The following WWP2 variants were observed in gnomAD, a reference collection of about 807,000 sequenced individuals.
WWP2 encodes the protein NEDD4-like E3 ubiquitin-protein ligase WWP2.
In WWP2, 57 loss-of-function variants were observed where a neutral mutation model predicts 121.0. The observed-to-expected ratio is 0.47, with a 90% CI of 0.38 to 0.59. The LOEUF (loss-of-function observed/expected upper bound fraction) is 0.59. WWP2 is among the 20% of genes least tolerant of loss of function. WWP2 has a pLI of 0.00. For missense variants in WWP2, 962 were observed against 1,158.9 expected (o/e 0.83, Z 2.47); for synonymous variants, 449 against 441.3 (o/e 1.02, Z -0.22).
chr16:69,926,827 A>G (rs954636743), intron 11 of WWP2, among the ~76,000 whole-genome samples: 3 of 152,220 alleles, frequency 2.0e-5, no homozygotes, highest in Non-Finnish European at 4.4e-5. Context: ...CTGCGTCGTC[A>G]GTAGGCAGGG....
At chr16:69,938,686 T>C (rs943108603) in intron 21 of WWP2, among the ~76,000 whole-genome samples, 1 of 152,150 alleles carries the variant, frequency 6.6e-6, no homozygotes, top group African/African-American at 2.4e-5. Flanking sequence ...TATCTAATTC[T>C]GGAACATTTC....
At chr16:69,905,904 G>A (rs934205564) in intron 8 of WWP2, among the ~76,000 whole-genome samples, 2 of 152,160 alleles carry the variant, frequency 1.3e-5, no homozygotes, top group Admixed American at 6.6e-5. Context: ...CTGAGCCTCA[G>A]TTTCCTCAGT....
chr16:69,885,102 T>TACACAC (rs3051438), intron 7 of WWP2, among the ~76,000 whole-genome samples: 8,121 of 139,974 alleles, frequency 0.058, 260 homozygotes, highest in South Asian at 0.099. Flanking sequence ...AAACTCCTCC[T>TACACAC]ACACACACAC....
chr16:69,908,812 T>C lies in WWP2; in HGVS notation c.966T>C (p.Asn322=). ...GACGTGTCTATTATGTTGACCACAA[T>C]ACCAAGACCACCACCTGGGAGCGGC... ...PNGRVYYVDH[N]TKTTTWERPL... Residue 322 remains asparagine, a synonymous_variant, in exon 9 of 24, where the codon AAT becomes AAC. Coordinates refer to ENST00000359154, the MANE Select transcript of WWP2 (RefSeq NM_001270454.2). 6.2e-7 allele frequency: 1 copy of C among 1,614,174 alleles called. No homozygotes were observed. Among genetic ancestry groups the C allele is most frequent in the Non-Finnish European group, 8.5e-7 (1 of 1,180,012 alleles).
At position 69,805,446 on chromosome 16, in the gene WWP2, T is replaced by C. The variant is rs557000096; in HGVS notation, c.340+6151T>C. ...CTTTGCATAAAACTTTCTGTTTTAG[T>C]GGTGATAGAGAAATGCCCTCTAGTA... On this transcript the variant is annotated intron_variant, in intron 4 of 23. Transcript: ENST00000359154. Among the ~76,000 whole-genome samples, 3 of 152,310 alleles carry C rather than the reference T, an allele frequency of 2.0e-5. No homozygotes were observed. The South Asian group carries it at 6.2e-4, about 32-fold the overall frequency.
At chr16:69,824,494 C>T (rs1000811537) in intron 4 of WWP2, among the ~76,000 whole-genome samples, 6 of 143,434 alleles carry the variant, frequency 4.2e-5, no homozygotes, top group African/African-American at 1.5e-4. Flanking sequence ...AAAATAATAT[C>T]CCTCCCTCCC....
Position 69,937,260 on chromosome 16 carries a change from G to A in WWP2, c.2238+22G>A, listed in dbSNP as rs2058813760. On this transcript the variant is annotated intron_variant, in intron 20 of 23. Coordinates refer to ENST00000359154, the MANE Select transcript of WWP2 (RefSeq NM_001270454.2). The surrounding 1 kb of genome is among the most constrained non-coding windows in gnomAD (Gnocchi z 6.6). ...GGAGGTGAGTGTCTGAGGTTGCTGGGACCCTGAGCCCCTGCCTCTGGGGCG... is the reference window on the plus strand; with the variant it reads ...GGAGGTGAGTGTCTGAGGTTGCTGGAACCCTGAGCCCCTGCCTCTGGGGCG... 6.2e-7 allele frequency: 1 copy of A among 1,612,264 alleles called. No homozygotes were observed. Among genetic ancestry groups the A allele is most frequent in the Non-Finnish European group, 8.5e-7 (1 of 1,179,390 alleles).
intron 4 of WWP2, among the ~76,000 whole-genome samples, chr16:69,816,857 A>G (rs1382818728): frequency 6.6e-6 from 1 of 152,234 alleles, no homozygotes; most frequent in Non-Finnish European, 1.5e-5. Context: ...CGTACATTCA[A>G]GGTAGATTGT....
At chr16:69,795,130 G>A (rs1297918149) in intron 2 of WWP2, among the ~76,000 whole-genome samples, 1 of 152,116 alleles carries the variant, frequency 6.6e-6, no homozygotes, top group East Asian at 1.9e-4. Flanking sequence ...CAGCTACTCA[G>A]GAAGCTGAGG....
At chr16:69,899,468 G>C (rs2058163607) in intron 8 of WWP2, among the ~76,000 whole-genome samples, 2 of 152,176 alleles carry the variant, frequency 1.3e-5, no homozygotes, top group African/African-American at 4.8e-5. Context: ...AATGGCTCAT[G>C]CCTATAATCC....
Position 69,937,730 on chromosome 16 carries a change from C to T in WWP2, c.2343+78C>T, listed in dbSNP as rs930002384. The T allele has an allele frequency of 2.4e-5, 34 of 1,399,726 alleles. No individual in the cohort carries two copies. In the Admixed American group the frequency reaches 4.1e-4, roughly 17 times the overall value. 86.7% of individuals were successfully genotyped at this position (1,399,726 alleles called of 1,614,324 possible). ...AAACGGGTCCTGAGGAGGCCTCACGCGCAAGGACCTTCAGCTTTGGCCCTG... is the reference window on the plus strand; with the variant it reads ...AAACGGGTCCTGAGGAGGCCTCACGTGCAAGGACCTTCAGCTTTGGCCCTG... On this transcript the variant is annotated intron_variant, in intron 21 of 23. Transcript: ENST00000359154. The surrounding 1 kb of genome is among the most constrained non-coding windows in gnomAD (Gnocchi z 6.6).
At chr16:69,926,134 A>T (rs2058636563) in intron 11 of WWP2, 1 of 152,204 alleles carries the variant, frequency 6.6e-6, no homozygotes, top group Admixed American at 6.5e-5. Flanking sequence ...TGATTTGCTG[A>T]CAGTGAGTTA....
At chr16:69,914,730 T>G (rs1428150283) in intron 9 of WWP2, among the ~76,000 whole-genome samples, 1 of 152,184 alleles carries the variant, frequency 6.6e-6, no homozygotes, top group Non-Finnish European at 1.5e-5. Flanking sequence ...CACTCCAGCC[T>G]GGGCAACAGA....
intron 8 of WWP2, among the ~76,000 whole-genome samples, chr16:69,898,965 A>G (rs999888125): frequency 6.6e-6 from 1 of 152,086 alleles, no homozygotes; most frequent in South Asian, 2.1e-4. Context: ...CGGCCTCCCA[A>G]AGTGCTGGGA....
At chr16:69,904,051 G>A (rs754787651) in intron 8 of WWP2, among the ~76,000 whole-genome samples, 10 of 152,210 alleles carry the variant, frequency 6.6e-5, no homozygotes, top group Non-Finnish European at 1.3e-4. Context: ...ATAAAAGAGA[G>A]GCTTGCTGCC....
chr16:69,939,248 T>C, intron 22 of WWP2, 93 bp from the exon 23 acceptor site: 1 of 1,572,332 alleles, frequency 6.4e-7, no homozygotes, highest in South Asian at 1.1e-5. Context: ...CTCTGCATCC[T>C]GGGGCCGAGC....
At chr16:69,862,249 G>C (rs917468224) in intron 6 of WWP2, among the ~76,000 whole-genome samples, 3 of 152,004 alleles carry the variant, frequency 2.0e-5, no homozygotes, top group Admixed American at 2.0e-4. Context: ...ATTTTTAGTA[G>C]ACACGGGATT....
chr16:69,937,410 G>C lies in WWP2; in HGVS notation c.2239-138G>C, dbSNP rs1259709710. 3 of 1,344,316 alleles carry C rather than the reference G, an allele frequency of 2.2e-6. No individual in the cohort carries two copies. The highest frequency in any genetic ancestry group is 2.2e-5 in the Admixed American group (1 of 44,556). 83.3% of individuals were successfully genotyped at this position (1,344,316 alleles called of 1,614,324 possible). Reference sequence around the variant, plus strand: ...CCAGACACTTGTTTCAAGAAAGCAGGGACTTACATTACCCATATTATTAAC... The same window carrying C: ...CCAGACACTTGTTTCAAGAAAGCAGCGACTTACATTACCCATATTATTAAC... On this transcript the variant is annotated intron_variant, in intron 20 of 23. Transcript: ENST00000359154. This position sits in a 1 kb window ranked among gnomAD's most constrained non-coding sequence, Gnocchi z 6.6.
intron 8 of WWP2, among the ~76,000 whole-genome samples, chr16:69,891,844 C>T (rs1476969557): frequency 6.6e-6 from 1 of 152,198 alleles, no homozygotes; most frequent in African/African-American, 2.4e-5. Context: ...GGAATGGTGC[C>T]ACCATTTGCC....
Sources: allele counts gnomAD v4.1 joint callset (sites outside exome capture counted in the v4.1 genomes callset), GRCh38; gene constraint gnomAD v4.1.1; non-coding constraint Gnocchi (gnomAD v3.1); transcripts MANE v1.5; gene names NCBI Gene and HGNC (gene_info 2026-07-23, HGNC 2026-07-21).